Variants in FCN3 observed in about 807,000 individuals in gnomAD.
The protein encoded by FCN3 is ficolin 3, also known as ficolin-3.
A neutral mutation model predicts 31.5 loss-of-function variants in FCN3; 28 were observed. The observed-to-expected ratio is 0.89, with a 90% CI of 0.66 to 1.22. The LOEUF (loss-of-function observed/expected upper bound fraction) is 1.22, where lower values mean the gene tolerates loss of function less well. Ranked by LOEUF, FCN3 falls within the 50% of genes most tolerant of loss-of-function variation. The pLI, the probability that FCN3 is intolerant of heterozygous loss-of-function variation, is 0.00. For synonymous variants in FCN3, 124 were observed against 147.4 expected, an observed-to-expected ratio of 0.84 and a Z score of 1.15; for missense variants, 351 against 386.8, an observed-to-expected ratio of 0.91 and a Z score of 0.78.
intron 7 of FCN3, among the ~76,000 whole-genome samples, chr1:27,370,037 C>T (rs1459477758): frequency 3.3e-5 from 5 of 149,722 alleles, no homozygotes; most frequent in African/African-American, 7.4e-5. Context: ...GATGGAGTCT[C>T]GCTCTGTCGC....
chr1:27,370,984 G>C lies in FCN3; in HGVS notation c.394-12C>G. ...CGCCTCTGAAACACCTGGGGGAGGG[G>C]GGGCACAGCAGCTATTACTCCAGGC... On this transcript the variant is annotated splice_polypyrimidine_tract_variant and intron_variant, in intron 5 of 7. Transcript: ENST00000270879. 3 of 1,611,000 alleles carry C rather than the reference G, an allele frequency of 1.9e-6. No individual in the cohort carries two copies. Among genetic ancestry groups the C allele is most frequent in the Non-Finnish European group, 2.5e-6 (3 of 1,179,122 alleles).
rs2016128363 is a variant in FCN3 at position 27,370,704 on chromosome 1, C to T, written c.550G>A (p.Glu184Lys). Residue 184 changes from glutamate to lysine, a missense_variant, in exon 7 of 8, where the codon GAA (glutamate) becomes AAA (lysine). Glu to Lys is a moderately conservative substitution (Grantham distance 56). Coordinates refer to ENST00000270879, the MANE Select transcript of FCN3 (RefSeq NM_003665.4). ...AAAGTACGGTTACCATTAAAGTCTT[C>T]CAGCTCTACCCGCAGCTCCCAGTTA... ...QGNWELRVEL[E>K]DFNGNRTFAH... 6.2e-7 allele frequency: 1 copy of T among 1,614,118 alleles called. No homozygotes were observed. Among genetic ancestry groups the T allele is most frequent in the African/African-American group, 1.3e-5 (1 of 74,938 alleles).
rs1259190499 is a variant in FCN3, at chr1:27,369,197, C to G, written c.*39G>C. ...GGCAAGGTGGCTGACGATCCGGAAG[C>G]TGTACAGGAGAGATAAGGGCACTGG... On this transcript the variant is annotated 3_prime_UTR_variant, in exon 8 of 8. Coordinates refer to ENST00000270879, the MANE Select transcript of FCN3 (RefSeq NM_003665.4). 1.9e-6 allele frequency: 3 copies of G among 1,601,400 alleles called. No homozygotes were observed.
Position 27,374,087 on chromosome 1 carries a change from G to C in FCN3, c.188-78C>G, listed in dbSNP as rs981297828. On this transcript the variant is annotated intron_variant, in intron 2 of 7. Transcript: ENST00000270879. Reference sequence around the variant, plus strand: ...AAAAGAAACAAGAGACTTGGAGCCAGAGGTTCAAATCCCAGTTTCACCCTT... The same window carrying C: ...AAAAGAAACAAGAGACTTGGAGCCACAGGTTCAAATCCCAGTTTCACCCTT... 3.0e-6 allele frequency: 4 copies of C among 1,347,138 alleles called. No homozygotes were observed. In the African/African-American group the frequency reaches 5.8e-5, roughly 20 times the overall value. 83.4% of individuals were successfully genotyped at this position (1,347,138 alleles called of 1,614,324 possible). A position where few individuals can be genotyped will look rare whatever the true frequency, so the allele number is the denominator to read the frequency against.
chr1:27,370,810 C>T (rs755977604), intron 6 of FCN3, 33 bp downstream of exon 6: 3 of 1,611,552 alleles, frequency 1.9e-6, no homozygotes, highest in Admixed American at 3.3e-5. Context: ...CAGACAGTAA[C>T]CCCCAGACTC....
intron 3 of FCN3, 47 bp downstream of exon 3, chr1:27,373,918 G>T: frequency 7.1e-6 from 11 of 1,548,596 alleles, no homozygotes; most frequent in Non-Finnish European, 9.8e-6. Context: ...TAGAGTCCAG[G>T]GACAGAGGCA....
chr1:27,373,917 G>C (rs1376895991), intron 3 of FCN3, 48 bp downstream of exon 3: 1 of 1,545,476 alleles, frequency 6.5e-7, no homozygotes. Context: ...CTAGAGTCCA[G>C]GGACAGAGGC....
chr1:27,371,101 CCTT>C, intron 5 of FCN3, 129 bp from the exon 6 acceptor site: 1 of 894,960 alleles, frequency 1.1e-6, no homozygotes, highest in Non-Finnish European at 1.7e-6. Flanking sequence ...AAATGGGGAT[CCTT>C]CAAGTTAGCT....
At position 27,370,587 on chromosome 1, in the gene FCN3, C is replaced by T. The variant is rs1280715857; in HGVS notation, c.658+9G>A. 2 of 1,612,932 alleles carry T rather than the reference C, an allele frequency of 1.2e-6. No homozygotes were observed. Among genetic ancestry groups the T allele is most frequent in the Non-Finnish European group, 1.7e-6 (2 of 1,179,148 alleles). ...GCCTCCTTCCTCTGCTCCCCTTAGG[C>T]TCACTCACCTGCAGTGCCCTCTGAG... On this transcript the variant is annotated intron_variant, in intron 7 of 7. Coordinates refer to ENST00000270879, the MANE Select transcript of FCN3 (RefSeq NM_003665.4).
chr1:27,373,258 TGGG>T lies in FCN3; in HGVS notation c.268_270del (p.Pro90del). ...TGGCTCAACAGCTCCCGGCAGTTTC[TGGG>T]GCCTGGGAAAGGGGAGATGGACTGG... is the stretch of plus-strand genomic sequence containing the variant. On this transcript the variant is annotated inframe_deletion and splice_region_variant, in exon 5 of 8. Transcript: ENST00000270879. 6.2e-7 allele frequency: 1 copy of T among 1,614,060 alleles called. No homozygotes were observed. Among genetic ancestry groups the T allele is most frequent in the Admixed American group, 1.7e-5 (1 of 60,018 alleles).
At chr1:27,369,720 G>A (rs1259606352) in intron 7 of FCN3, among the ~76,000 whole-genome samples, 2 of 149,230 alleles carry the variant, frequency 1.3e-5, no homozygotes, top group Non-Finnish European at 3.0e-5. Flanking sequence ...ACCCCCTCCA[G>A]AATCCCCGGC....
chr1:27,373,044 G>A (rs2016178798), intron 5 of FCN3, 92 bp downstream of exon 5: 3 of 1,441,782 alleles, frequency 2.1e-6, no homozygotes, highest in Non-Finnish European at 1.9e-6. Flanking sequence ...TCTAGGAAAT[G>A]CCTTGCTCTG....
Position 27,373,208 on chromosome 1 carries a change from G to A in FCN3, c.321C>T (p.Tyr107=). ...CCCTGCCCTCAGGTAGGCACAGATG[G>A]TACCAGCCGCTCAAGGTGGCGCCCT... The part of the protein sequence containing the change: ...LSQGATLSGW[Y]HLCLPEGRAL... The change falls in exon 5 of 8, where the codon TAC becomes TAT. Residue 107 remains tyrosine (Y), a synonymous_variant. Transcript: ENST00000270879. The A allele has an allele frequency of 6.2e-7, 1 of 1,614,080 alleles. No individual in the cohort carries two copies. Among genetic ancestry groups the A allele is most frequent in the South Asian group, 1.1e-5 (1 of 91,088 alleles).
intron 7 of FCN3, among the ~76,000 whole-genome samples, chr1:27,369,727 C>T (rs1321936333): frequency 2.0e-5 from 3 of 151,936 alleles, no homozygotes; most frequent in South Asian, 2.1e-4. Context: ...CCAGAATCCC[C>T]GGCCCCCCTC....
At chr1:27,371,044 G>A (rs2016137260) in intron 5 of FCN3, 72 bp from the exon 6 acceptor site, 13 of 1,496,738 alleles carry the variant, frequency 8.7e-6, no homozygotes, top group African/African-American at 1.4e-5. Context: ...GGAACTGTGA[G>A]GGGTGGGTGG....
Position 27,373,535 on chromosome 1 carries a change from G to A in FCN3, c.233-15C>T, listed in dbSNP as rs946191175. The A allele has an allele frequency of 1.2e-6, 2 of 1,613,776 alleles. No homozygotes were observed. The highest frequency in any genetic ancestry group is 1.7e-5 in the Admixed American group (1 of 59,996). On this transcript the variant is annotated splice_polypyrimidine_tract_variant and intron_variant, in intron 3 of 7. Coordinates refer to ENST00000270879, the MANE Select transcript of FCN3 (RefSeq NM_003665.4). ...CACTGGATCTCCTGCCCCAGAGAAG[G>A]GATGAGTGTTGGCTCTGATGTCTCA...
intron 5 of FCN3, 52 bp downstream of exon 5, chr1:27,373,084 G>A (rs1454781246): frequency 1.1e-5 from 17 of 1,599,088 alleles, no homozygotes; most frequent in Non-Finnish European, 1.5e-5. Context: ...GGGGCCAAGG[G>A]GGAGAAGTGA....
At chr1:27,374,685 G>T in intron 1 of FCN3, 43 bp downstream of exon 1, 1 of 1,196,924 alleles carries the variant, frequency 8.4e-7, no homozygotes, top group Non-Finnish European at 1.1e-6. Flanking sequence ...CCCAGCGAGG[G>T]AATGAGGAGT....
At chr1:27,373,600 G>A (rs2016191825) in intron 3 of FCN3, 80 bp from the exon 4 acceptor site, 1 of 1,473,770 alleles carries the variant, frequency 6.8e-7, no homozygotes, top group Non-Finnish European at 9.4e-7. Flanking sequence ...CGGTACCCAG[G>A]CCCTTTTCCG....
Sources: allele counts gnomAD v4.1 joint callset (sites outside exome capture counted in the v4.1 genomes callset), GRCh38; gene constraint gnomAD v4.1.1; transcripts MANE v1.5; gene names NCBI Gene and HGNC (gene_info 2026-07-23, HGNC 2026-07-21).